Variants in BCOR observed in about 807,000 individuals in gnomAD.
BCOR encodes the protein BCL-6 corepressor.
A neutral mutation model predicts 86.7 loss-of-function variants in BCOR; 10 were observed. The ratio of observed to expected loss-of-function variants is 0.12; its 90% confidence interval spans 0.07 to 0.20. The LOEUF (loss-of-function observed/expected upper bound fraction) is 0.20, where lower values mean the gene tolerates loss of function less well. Ranked by LOEUF, BCOR falls within the 10% of genes least tolerant of loss-of-function variation. BCOR has a pLI of 1.00. For synonymous variants in BCOR, 611 were observed against 609.0 expected, an observed-to-expected ratio of 1.00 and a Z score of -0.05; for missense variants, 1,259 against 1,452.1, an observed-to-expected ratio of 0.87 and a Z score of 2.16.
intron 1 of BCOR, among the ~76,000 whole-genome samples, chrX:40,153,927 G>C (rs1938225136): frequency 9.2e-6 from 1 of 109,071 alleles, no homozygotes; most frequent in African/African-American, 3.3e-5. Flanking sequence ...GGGCTGCCGC[G>C]CCGTGGGGGG....
chrX:40,172,061 C>G (rs781548050), intron 1 of BCOR, among the ~76,000 whole-genome samples: 1 of 112,601 alleles, frequency 8.9e-6, no homozygotes, highest in Non-Finnish European at 1.9e-5. Flanking sequence ...CCAGCCCAGC[C>G]GCGGATCCAT....
rs374547123 is a variant in BCOR at position 40,062,413 on chromosome X, C to A, written c.4174-20G>T. 2 of 1,196,732 alleles carry A rather than the reference C, an allele frequency of 1.7e-6. No homozygotes were observed. On this transcript the variant is annotated intron_variant, in intron 9 of 14. Coordinates refer to ENST00000378444, the MANE Select transcript of BCOR (RefSeq NM_001123385.2). ...AGTCACCTATCATAAAACCAAGCAGCGCACACGGTTAAGCCCGTGTCCTTC... is the reference window on the plus strand; with the variant it reads ...AGTCACCTATCATAAAACCAAGCAGAGCACACGGTTAAGCCCGTGTCCTTC...
At chrX:40,111,350 T>C (rs1937308893) in intron 1 of BCOR, among the ~76,000 whole-genome samples, 1 of 112,042 alleles carries the variant, frequency 8.9e-6, no homozygotes, top group South Asian at 3.7e-4. Context: ...TCTGTTTCCC[T>C]GTACACCTGG....
intron 11 of BCOR, among the ~76,000 whole-genome samples, chrX:40,056,641 C>T (rs996314080): frequency 4.5e-5 from 5 of 112,195 alleles, no homozygotes; most frequent in African/African-American, 1.6e-4. Context: ...CTCATGGCAG[C>T]ATCCCACTCA....
rs1935673518 is a variant in BCOR, at chrX:40,074,408, G to A, written c.938C>T (p.Pro313Leu). Reference protein sequence around the residue: ...AYPHIQNSKQPRVPSAKAVTS... With the variant: ...AYPHIQNSKQLRVPSAKAVTS... ...GACCGCCTTGGCAGAGGGAACCCTG[G>A]GCTGCTTACTGTTCTGGATGTGAGG... Residue 313 changes from proline to leucine, a missense_variant, in exon 4 of 15, where the codon CCC becomes CTC. Transcript: ENST00000378444. The A allele has an allele frequency of 1.7e-6, 2 of 1,210,106 alleles. No individual in the cohort carries two copies. Among genetic ancestry groups the A allele is most frequent in the Non-Finnish European group, 1.1e-6 (1 of 894,562 alleles).
intron 1 of BCOR, among the ~76,000 whole-genome samples, chrX:40,092,993 A>G (rs1183589495): frequency 8.9e-6 from 1 of 112,359 alleles, no homozygotes; most frequent in Admixed American, 9.4e-5. Flanking sequence ...ATGTATGCAT[A>G]TGAATGCTTT....
intron 1 of BCOR, among the ~76,000 whole-genome samples, chrX:40,173,255 C>T (rs1331030968): frequency 8.9e-6 from 1 of 111,754 alleles, no homozygotes; most frequent in Non-Finnish European, 1.9e-5. Context: ...CCAAGCTGTG[C>T]GGCTTTGGGC....
intron 1 of BCOR, among the ~76,000 whole-genome samples, chrX:40,163,077 C>T (rs2148014551): frequency 8.9e-6 from 1 of 111,851 alleles, no homozygotes; most frequent in Admixed American, 9.5e-5. Flanking sequence ...ACAGGAAATG[C>T]ATTGACTACA....
chrX:40,094,458 C>T (rs777026970), intron 1 of BCOR, among the ~76,000 whole-genome samples: 75 of 113,094 alleles, frequency 6.6e-4, no homozygotes, highest in Non-Finnish European at 1.1e-3. Flanking sequence ...GAGCGCACCA[C>T]GGGTCCTCTC....
intron 2 of BCOR, chrX:40,077,129 C>T (rs1935846943): frequency 5.3e-6 from 1 of 189,012 alleles, no homozygotes; most frequent in African/African-American, 3.1e-5. Flanking sequence ...CAAATGTCAG[C>T]TGTTCCAGGC....
intron 1 of BCOR, among the ~76,000 whole-genome samples, chrX:40,094,333 G>A (rs2147672498): frequency 8.9e-6 from 1 of 112,707 alleles, no homozygotes; most frequent in Admixed American, 9.3e-5. Flanking sequence ...ACCCGCGAGA[G>A]CGCGGAGACC....
intron 1 of BCOR, among the ~76,000 whole-genome samples, chrX:40,139,476 T>TATATATAC: frequency 8.5e-5 from 1 of 11,803 alleles, no homozygotes; most frequent in East Asian, 2.1e-3. Flanking sequence ...TATATATATA[T>TATATATAC]ATATATATAT....
At chrX:40,143,558 T>C (rs1383536596) in intron 1 of BCOR, among the ~76,000 whole-genome samples, 5 of 112,499 alleles carry the variant, frequency 4.4e-5, no homozygotes, top group African/African-American at 6.5e-5. Flanking sequence ...TAATCAACTT[T>C]AATAAAACGA....
intron 14 of BCOR, among the ~76,000 whole-genome samples, chrX:40,052,774 C>A (rs1258529656): frequency 9.1e-6 from 1 of 110,098 alleles, no homozygotes; most frequent in Admixed American, 9.7e-5. Context: ...CCATGTTAAC[C>A]AGGATGGTCT....
intron 1 of BCOR, among the ~76,000 whole-genome samples, chrX:40,106,491 C>T: frequency 9.0e-6 from 1 of 111,188 alleles, no homozygotes; most frequent in Non-Finnish European, 1.9e-5. Context: ...CCAGCGCCGA[C>T]GACTCGGCGG....
intron 6 of BCOR, chrX:40,067,959 C>T (rs1468663524): frequency 8.9e-6 from 1 of 111,794 alleles, no homozygotes; most frequent in Non-Finnish European, 1.9e-5. Context: ...GGGGTCCTAA[C>T]CATCAGGGTC....
chrX:40,158,200 T>G (rs112951046), intron 1 of BCOR, among the ~76,000 whole-genome samples: 1 of 112,342 alleles, frequency 8.9e-6, no homozygotes, highest in Non-Finnish European at 1.9e-5. Context: ...CAGGACGAAG[T>G]GGCAGGACTG....
Position 40,055,507 on chromosome X carries a change from C to A in BCOR, c.4602G>T (p.Leu1534=), listed in dbSNP as rs1200925727. 1.5e-5 allele frequency: 18 copies of A among 1,211,491 alleles called. No individual in the cohort carries two copies. Among genetic ancestry groups the A allele is most frequent in the Non-Finnish European group, 1.9e-5 (17 of 895,387 alleles). Residue 1534 remains leucine, a synonymous_variant, in exon 12 of 15, where the codon CTG becomes CTT. Coordinates refer to ENST00000378444, the MANE Select transcript of BCOR (RefSeq NM_001123385.2). ...NCSAQDGTRP[L]HDAVENDHLE... ...AGTGATCGTTCTCAACAGCATCGTG[C>A]AGAGGCCTAGGAAGAGAGGCGCAAT...
intron 1 of BCOR, among the ~76,000 whole-genome samples, chrX:40,164,300 C>G (rs373135000): frequency 9.7e-4 from 109 of 112,791 alleles, no homozygotes; most frequent in African/African-American, 3.4e-3. Context: ...ATTCCAGGAG[C>G]AGAATTAAAT....
Sources: allele counts gnomAD v4.1 joint callset (sites outside exome capture counted in the v4.1 genomes callset), GRCh38; gene constraint gnomAD v4.1.1; transcripts MANE v1.5; gene names NCBI Gene and HGNC (gene_info 2026-07-23, HGNC 2026-07-21).